The following GULP1 variants were observed in gnomAD, a reference collection of about 807,000 sequenced individuals.
GULP1 encodes PTB domain-containing engulfment adapter protein 1.
Under a neutral mutation model 40.9 loss-of-function variants are expected in GULP1, and 19 were observed. That is an observed-to-expected ratio of 0.46 (90% CI 0.32 to 0.68). The LOEUF is 0.68. GULP1 is among the 30% of genes least tolerant of loss of function. The pLI is 0.03. For missense variants in GULP1, 312 were observed against 362.2 expected (o/e 0.86, Z 1.12); for synonymous variants, 119 against 117.6 (o/e 1.01, Z -0.08).
At chr2:188,430,463 A>G (rs567180307) in intron 2 of GULP1, among the ~76,000 whole-genome samples, 44 of 152,346 alleles carry the variant, frequency 2.9e-4, no homozygotes, top group Admixed American at 2.5e-3. Flanking sequence ...TTAATCAGAC[A>G]TAGGAAGACC....
intron 1 of GULP1, among the ~76,000 whole-genome samples, chr2:188,307,681 T>C (rs2037344053): frequency 6.6e-6 from 1 of 152,198 alleles, no homozygotes; most frequent in African/African-American, 2.4e-5. Context: ...TTGATTTGCA[T>C]TCTTCTTTAT....
chr2:188,372,660 T>C (rs1376376405), intron 1 of GULP1, among the ~76,000 whole-genome samples: 1 of 152,072 alleles, frequency 6.6e-6, no homozygotes, highest in Non-Finnish European at 1.5e-5. Flanking sequence ...CTAACATCCA[T>C]GTGACATATC....
chr2:188,420,317 T>C (rs1262604987), intron 2 of GULP1, among the ~76,000 whole-genome samples: 2 of 152,216 alleles, frequency 1.3e-5, no homozygotes, highest in African/African-American at 4.8e-5. Context: ...AAATACAGGA[T>C]GTTTTTCCAT....
At chr2:188,411,780 T>TTC (rs1337355087) in intron 2 of GULP1, among the ~76,000 whole-genome samples, 3 of 152,224 alleles carry the variant, frequency 2.0e-5, no homozygotes, top group African/African-American at 4.8e-5. Flanking sequence ...TGGCCATTTC[T>TTC]TCTTCTGTGC....
chr2:188,503,393 G>T (rs1430208367), intron 4 of GULP1, among the ~76,000 whole-genome samples: 1 of 151,688 alleles, frequency 6.6e-6, no homozygotes, highest in Non-Finnish European at 1.5e-5. Context: ...GGGGAAGCAA[G>T]CACCTTCTTC....
intron 2 of GULP1, among the ~76,000 whole-genome samples, chr2:188,467,113 G>GA (rs967192522): frequency 6.1e-4 from 86 of 140,972 alleles, no homozygotes; most frequent in East Asian, 2.9e-3. Flanking sequence ...TGACACAGTT[G>GA]AAAAAAAAAA....
intron 2 of GULP1, among the ~76,000 whole-genome samples, chr2:188,410,582 A>G (rs978487951): frequency 7.2e-5 from 11 of 152,222 alleles, no homozygotes; most frequent in African/African-American, 1.9e-4. Context: ...ACCAACAGGT[A>G]TATGAAAAGA....
chr2:188,373,632 T>G (rs2152454970), intron 1 of GULP1, among the ~76,000 whole-genome samples: 1 of 152,068 alleles, frequency 6.6e-6, no homozygotes, highest in Admixed American at 6.6e-5. Context: ...AAGCAGATAA[T>G]TACTCTAGAA....
chr2:188,338,662 A>G (rs1003169976), intron 1 of GULP1, among the ~76,000 whole-genome samples: 5 of 152,168 alleles, frequency 3.3e-5, no homozygotes, highest in Admixed American at 2.6e-4. Context: ...ATATGTCATC[A>G]GCATTTTATG....
chr2:188,514,145 G>C (rs913346623), intron 4 of GULP1, among the ~76,000 whole-genome samples: 9 of 151,300 alleles, frequency 5.9e-5, no homozygotes, highest in Non-Finnish European at 1.3e-4. Flanking sequence ...GAGCTATCGG[G>C]CAAGGCTCCT....
Position 188,292,642 on chromosome 2 carries a change from C to T in GULP1, c.-172+476C>T, listed in dbSNP as rs1216821278. 6.6e-6 allele frequency: 1 copy of T among 152,512 alleles called. No homozygotes were observed. The highest frequency in any genetic ancestry group is 1.9e-4 in the East Asian group (1 of 5,184). 9.4% of individuals were successfully genotyped at this position (152,512 alleles called of 1,614,324 possible). Reference sequence around the variant, plus strand: ...TCATCGTCGGGTCACAGCGAGGCGACCCAGGAGCGAACTTCCAGGGCAGCC... The same window carrying T: ...TCATCGTCGGGTCACAGCGAGGCGATCCAGGAGCGAACTTCCAGGGCAGCC... On this transcript the variant is annotated intron_variant, in intron 1 of 11. Coordinates refer to ENST00000409830, the MANE Select transcript of GULP1 (RefSeq NM_016315.4). The surrounding 1 kb of genome is among the most constrained non-coding windows in gnomAD (Gnocchi z 4.0).
intron 9 of GULP1, among the ~76,000 whole-genome samples, chr2:188,574,610 C>G (rs969562228): frequency 6.6e-6 from 1 of 152,198 alleles, no homozygotes; most frequent in East Asian, 1.9e-4. Flanking sequence ...GATCATGCCA[C>G]TATATTCCAG....
chr2:188,488,614 T>C (rs1238181370), intron 4 of GULP1, among the ~76,000 whole-genome samples: 1 of 152,040 alleles, frequency 6.6e-6, no homozygotes, highest in Non-Finnish European at 1.5e-5. Context: ...TTATTTTTTC[T>C]GTTTGCATCA....
At chr2:188,430,553 A>G (rs932914829) in intron 2 of GULP1, among the ~76,000 whole-genome samples, 15 of 152,208 alleles carry the variant, frequency 9.9e-5, no homozygotes, top group African/African-American at 3.6e-4. Flanking sequence ...GTTATAATGA[A>G]CACTTTAAAC....
intron 1 of GULP1, among the ~76,000 whole-genome samples, chr2:188,332,405 G>T (rs2041725980): frequency 6.6e-6 from 1 of 152,094 alleles, no homozygotes. Context: ...GGCCAGGCTG[G>T]TCTTGAACTC....
At chr2:188,458,310 A>G (rs1051055906) in intron 2 of GULP1, among the ~76,000 whole-genome samples, 1 of 152,068 alleles carries the variant, frequency 6.6e-6, no homozygotes, top group African/African-American at 2.4e-5. Flanking sequence ...TAATTTTCCA[A>G]TCAGCATAAA....
chr2:188,517,651 C>T (rs939068242), intron 4 of GULP1, among the ~76,000 whole-genome samples: 28 of 152,270 alleles, frequency 1.8e-4, no homozygotes, highest in African/African-American at 6.5e-4. Context: ...CATCTGCTGA[C>T]TGATCAGGTG....
At chr2:188,482,634 G>A (rs2061526525) in intron 3 of GULP1, among the ~76,000 whole-genome samples, 1 of 151,146 alleles carries the variant, frequency 6.6e-6, no homozygotes, top group Non-Finnish European at 1.5e-5. Flanking sequence ...TCAAAATATT[G>A]GGGAAAATAT....
chr2:188,480,726 A>G (rs1028988571), intron 3 of GULP1, among the ~76,000 whole-genome samples: 28 of 151,824 alleles, frequency 1.8e-4, no homozygotes, highest in African/African-American at 5.3e-4. Context: ...TTTATATTCT[A>G]TTTATTACAT....
Sources: allele counts gnomAD v4.1 joint callset (sites outside exome capture counted in the v4.1 genomes callset), GRCh38; gene constraint gnomAD v4.1.1; non-coding constraint Gnocchi (gnomAD v3.1); transcripts MANE v1.5; gene names NCBI Gene and HGNC (gene_info 2026-07-23, HGNC 2026-07-21).